Variants in LRMDA observed in about 807,000 individuals in gnomAD.
LRMDA encodes leucine-rich melanocyte differentiation-associated protein.
Under a neutral mutation model 29.8 loss-of-function variants are expected in LRMDA, and 18 were observed. That is an observed-to-expected ratio of 0.60 (90% confidence interval 0.42 to 0.90). The LOEUF (loss-of-function observed/expected upper bound fraction) is 0.90, where lower values mean the gene tolerates loss of function less well. Ranked by LOEUF, LRMDA falls within the 40% of genes least tolerant of loss-of-function variation. LRMDA has a pLI of 0.00. For missense variants in LRMDA, 273 were observed against 273.9 expected, an observed-to-expected ratio of 1.00 and a Z score of 0.02; for synonymous variants, 125 against 109.4, an observed-to-expected ratio of 1.14 and a Z score of -0.89.
At chr10:75,888,323 C>T (rs936289159) in intron 2 of LRMDA, among the ~76,000 whole-genome samples, 1 of 152,168 alleles carries the variant, frequency 6.6e-6, no homozygotes, top group African/African-American at 2.4e-5. Flanking sequence ...GATCTGAAAA[C>T]TTCGATTTTT....
At chr10:76,503,624 C>T (rs1429419151) in intron 6 of LRMDA, among the ~76,000 whole-genome samples, 1 of 151,736 alleles carries the variant, frequency 6.6e-6, no homozygotes, top group African/African-American at 2.4e-5. Context: ...TCAAGTTGTT[C>T]ATAATAGTCT....
At chr10:76,178,654 CAGTA>C (rs1347763849) in intron 5 of LRMDA, among the ~76,000 whole-genome samples, 1 of 152,172 alleles carries the variant, frequency 6.6e-6, no homozygotes, top group Non-Finnish European at 1.5e-5. Context: ...CAGCTCTACT[CAGTA>C]AGCCTCCTGG....
chr10:76,463,365 A>G (rs138411458), intron 6 of LRMDA, among the ~76,000 whole-genome samples: 1 of 152,246 alleles, frequency 6.6e-6, no homozygotes, highest in Non-Finnish European at 1.5e-5. Flanking sequence ...AAAAGCTATC[A>G]TTCTAAACAG....
chr10:75,736,964 C>A (rs142826934), intron 2 of LRMDA, among the ~76,000 whole-genome samples: 1 of 152,156 alleles, frequency 6.6e-6, no homozygotes, highest in African/African-American at 2.4e-5. Context: ...GGGAACACGG[C>A]TGATTTGGAG....
intron 5 of LRMDA, among the ~76,000 whole-genome samples, chr10:76,208,799 A>T (rs150778060): frequency 6.6e-6 from 1 of 151,320 alleles, no homozygotes; most frequent in Non-Finnish European, 1.5e-5. Flanking sequence ...CTTTCACCAC[A>T]CTCTGCTCAG....
chr10:76,467,612 C>T (rs1006787515), intron 6 of LRMDA, among the ~76,000 whole-genome samples: 1 of 152,126 alleles, frequency 6.6e-6, no homozygotes, highest in Non-Finnish European at 1.5e-5. Context: ...TTGATTCCAT[C>T]TTTAGTTTCT....
intron 6 of LRMDA, among the ~76,000 whole-genome samples, chr10:76,372,939 C>T (rs756554379): frequency 1.3e-4 from 20 of 152,084 alleles, no homozygotes; most frequent in Non-Finnish European, 2.8e-4. Context: ...AAAAGGGTTC[C>T]ATTTTTTTTA....
chr10:76,478,707 C>T (rs550484106), intron 6 of LRMDA, among the ~76,000 whole-genome samples: 15 of 152,098 alleles, frequency 9.9e-5, no homozygotes, highest in African/African-American at 3.6e-4. Flanking sequence ...CCATGGAATA[C>T]TATGCAGCCA....
chr10:76,253,103 C>T (rs1852515825), intron 5 of LRMDA, among the ~76,000 whole-genome samples: 6 of 152,160 alleles, frequency 3.9e-5, no homozygotes, highest in Admixed American at 3.9e-4. Context: ...TAAGCGACTG[C>T]CCAGCAAAAC....
At chr10:76,512,197 G>T (rs1416389112) in intron 6 of LRMDA, among the ~76,000 whole-genome samples, 2 of 152,138 alleles carry the variant, frequency 1.3e-5, no homozygotes, top group East Asian at 3.9e-4. Flanking sequence ...TTCATCTCCT[G>T]CCATGATTCT....
chr10:75,894,522 C>A (rs961554046), intron 2 of LRMDA, among the ~76,000 whole-genome samples: 1 of 152,204 alleles, frequency 6.6e-6, no homozygotes, highest in Non-Finnish European at 1.5e-5. Context: ...ATAATGACTT[C>A]TTTTCCTCTG....
In LRMDA at chr10:76,051,080, G is replaced by T. The variant is rs533194405; in HGVS notation, c.398+3777G>T. Among the ~76,000 whole-genome samples, 405 of 152,324 alleles carry T rather than the reference G, an allele frequency of 2.7e-3. 3 individuals are homozygous for T. The highest frequency in any genetic ancestry group is 9.5e-3 in the African/African-American group (393 of 41,578). ...TTCCCCTGCATGGAGCAGCCCTGGGGCCTGCCCAGTGTCTGCAGCACTCAG... is the reference window on the plus strand; with the variant it reads ...TTCCCCTGCATGGAGCAGCCCTGGGTCCTGCCCAGTGTCTGCAGCACTCAG... On this transcript the variant is annotated intron_variant, in intron 4 of 6. Transcript: ENST00000611255.
intron 2 of LRMDA, among the ~76,000 whole-genome samples, chr10:75,857,816 TA>T (rs1367319070): frequency 1.3e-5 from 2 of 152,182 alleles, no homozygotes; most frequent in African/African-American, 4.8e-5. Flanking sequence ...GCAATACACA[TA>T]AGATGCACAG....
chr10:76,170,373 A>C (rs1198375429), intron 5 of LRMDA, among the ~76,000 whole-genome samples: 1 of 152,196 alleles, frequency 6.6e-6, no homozygotes, highest in Non-Finnish European at 1.5e-5. Flanking sequence ...ATTCTTGCAG[A>C]TTCTTGTGTA....
At chr10:76,065,035 GTTTTT>G (rs1012493197) in intron 5 of LRMDA, among the ~76,000 whole-genome samples, 2 of 151,516 alleles carry the variant, frequency 1.3e-5, no homozygotes, top group East Asian at 3.9e-4. Context: ...TTAATTAACT[GTTTTT>G]TTTAAGAAAA....
chr10:76,311,146 G>C (rs1417699854), intron 5 of LRMDA, among the ~76,000 whole-genome samples: 1 of 152,128 alleles, frequency 6.6e-6, no homozygotes, highest in Non-Finnish European at 1.5e-5. Flanking sequence ...GCCAGTATTT[G>C]ACTCTGTTTT....
At chr10:75,786,729 A>G (rs1235973986) in intron 2 of LRMDA, among the ~76,000 whole-genome samples, 2 of 152,160 alleles carry the variant, frequency 1.3e-5, no homozygotes, top group African/African-American at 4.8e-5. Flanking sequence ...CAATGCTTGA[A>G]CATAGATGAT....
chr10:76,464,383 A>G (rs1041102910), intron 6 of LRMDA, among the ~76,000 whole-genome samples: 1 of 152,148 alleles, frequency 6.6e-6, no homozygotes, highest in African/African-American at 2.4e-5. Flanking sequence ...GCGAGAGACT[A>G]GAATGGCCTG....
At chr10:76,445,941 G>T (rs760716034) in intron 6 of LRMDA, among the ~76,000 whole-genome samples, 1 of 152,092 alleles carries the variant, frequency 6.6e-6, no homozygotes, top group Non-Finnish European at 1.5e-5. Context: ...TTATTATTAA[G>T]AAATAAAATA....
Sources: gnomAD v4.1 joint callset for allele counts (sites outside exome capture counted in the v4.1 genomes callset) on GRCh38, gnomAD v4.1.1 for gene constraint, MANE v1.5 for transcripts, NCBI Gene and HGNC (gene_info 2026-07-23, HGNC 2026-07-21) for gene names.